MAP3K13: variants seen among roughly 807,000 people sequenced by gnomAD.
MAP3K13 encodes the protein mitogen-activated protein kinase kinase kinase 13.
A neutral mutation model predicts 104.0 loss-of-function variants in MAP3K13; 52 were observed. That is an observed-to-expected ratio of 0.50 (90% CI 0.40 to 0.63). The LOEUF (loss-of-function observed/expected upper bound fraction) is 0.63. MAP3K13 is among the 20% of genes least tolerant of loss of function. The pLI is 0.00. For missense variants in MAP3K13, 914 were observed against 1,218.5 expected, an observed-to-expected ratio of 0.75 and a Z score of 3.72; for synonymous variants, 394 against 442.2, an observed-to-expected ratio of 0.89 and a Z score of 1.37.
At chr3:185,291,690 A>G (rs1235918384) in intron 2 of MAP3K13, 1 of 1,529,240 alleles carries the variant, frequency 6.5e-7, no homozygotes, top group Admixed American at 2.0e-5. Flanking sequence ...AACCTCATCA[A>G]GACTTAGATC....
intron 2 of MAP3K13, chr3:185,329,120 TA>T (rs1215649593): frequency 6.7e-6 from 4 of 594,814 alleles, no homozygotes; most frequent in Admixed American, 5.2e-5. Context: ...GCAGTAGTTT[TA>T]TTTTTTTTTA....
intron 1 of MAP3K13, 150 bp from the exon 2 acceptor site, chr3:185,428,347 T>A: frequency 2.4e-6 from 1 of 414,020 alleles, no homozygotes; most frequent in Non-Finnish European, 4.3e-6. Context: ...CACAGCATAA[T>A]TTTTCATTGC....
chr3:185,428,267 A>T (rs569701291), intron 1 of MAP3K13, among the ~76,000 whole-genome samples: 2 of 152,048 alleles, frequency 1.3e-5, no homozygotes, highest in Non-Finnish European at 2.9e-5. Context: ...TTAATGTTGT[A>T]TATATTGTTC....
chr3:185,465,712 G>C (rs1717370404), intron 8 of MAP3K13, 35 bp from the exon 9 acceptor site: 1 of 1,459,134 alleles, frequency 6.9e-7, no homozygotes, highest in East Asian at 2.3e-5. Context: ...TCCCGAAGTT[G>C]GTTGGCTGGG....
intron 7 of MAP3K13, among the ~76,000 whole-genome samples, chr3:185,455,116 GAT>G (rs1348585667): frequency 8.9e-6 from 1 of 112,502 alleles, no homozygotes; most frequent in Non-Finnish European, 1.7e-5. Flanking sequence ...AGATATATGA[GAT>G]ATATGTGAGA....
intron 2 of MAP3K13, among the ~76,000 whole-genome samples, chr3:185,338,866 G>T (rs1280348454): frequency 2.6e-5 from 4 of 151,988 alleles, no homozygotes. Context: ...AATTTACAAA[G>T]AATGAGATTC....
At chr3:185,413,472 T>C (rs1204324747) in intron 1 of MAP3K13, among the ~76,000 whole-genome samples, 1 of 152,208 alleles carries the variant, frequency 6.6e-6, no homozygotes, top group Non-Finnish European at 1.5e-5. Context: ...GTTAAATGAC[T>C]ACGTATAACT....
At chr3:185,351,941 A>G (rs1240996899) in intron 2 of MAP3K13, among the ~76,000 whole-genome samples, 2 of 152,200 alleles carry the variant, frequency 1.3e-5, no homozygotes, top group Admixed American at 6.5e-5. Flanking sequence ...GGGTGTTGTC[A>G]TCATCTGCAT....
intron 7 of MAP3K13, among the ~76,000 whole-genome samples, chr3:185,455,320 A>AGATATACAT (rs1716456079): frequency 1.3e-5 from 1 of 77,350 alleles, no homozygotes; most frequent in African/African-American, 4.0e-5. Flanking sequence ...GATATATATG[A>AGATATACAT]GATATATATG....
At chr3:185,384,495 C>T (rs538837288) in intron 1 of MAP3K13, among the ~76,000 whole-genome samples, 4 of 152,290 alleles carry the variant, frequency 2.6e-5, no homozygotes, top group Admixed American at 6.5e-5. Context: ...AGTGAGATTG[C>T]TGGATCATAT....
At chr3:185,454,856 CATGATATATATATGAGATATATAT>C (rs1219738837) in intron 7 of MAP3K13, among the ~76,000 whole-genome samples, 453 of 18,484 alleles carry the variant, frequency 0.025, 6 homozygotes, top group South Asian at 0.031. Context: ...GAGATATATA[CATGATATATATATGAGATATATAT>C]ATGATATATA....
rs1713352135 is a variant in MAP3K13 at position 185,410,174 on chromosome 3, C to T, written c.-85-18323C>T. ...AGCCTGGTTCTTAACAAGCCACAAACCAGTACCAGTCTGCGGTCTGGGAGC... is the reference window on the plus strand; with the variant it reads ...AGCCTGGTTCTTAACAAGCCACAAATCAGTACCAGTCTGCGGTCTGGGAGC... On this transcript the variant is annotated intron_variant, in intron 1 of 13. Transcript: ENST00000265026. Among the ~76,000 whole-genome samples the T allele has an allele frequency of 2.6e-5, 4 of 152,318 alleles. No homozygotes were observed. In the South Asian group the frequency reaches 8.3e-4, roughly 32 times the overall value.
intron 2 of MAP3K13, among the ~76,000 whole-genome samples, chr3:185,287,109 C>A (rs564388935): frequency 6.6e-6 from 1 of 152,118 alleles, no homozygotes; most frequent in South Asian, 2.1e-4. Flanking sequence ...CTATTAAGAT[C>A]TTAAGAATAC....
rs138198331 is a variant in MAP3K13 at position 185,315,512 on chromosome 3, G to T, written c.-86+29869G>T. ...GGTCCAGCGACCATTAATTGAGAACGACTGCATTAGAAAAATCATGGGAAA... is the reference window on the plus strand; with the variant it reads ...GGTCCAGCGACCATTAATTGAGAACTACTGCATTAGAAAAATCATGGGAAA... On this transcript the variant is annotated intron_variant, in intron 2 of 14. Coordinates refer to the MAP3K13 transcript ENST00000424227. This position sits in a 1 kb window ranked among gnomAD's most constrained non-coding sequence, Gnocchi z 4.3. 3.3e-5 allele frequency among the ~76,000 whole-genome samples: 5 copies of T among 152,074 alleles called. No homozygotes were observed. The highest frequency in any genetic ancestry group is 4.8e-5 in the African/African-American group (2 of 41,400).
chr3:185,331,993 TG>T (rs1722302203), intron 2 of MAP3K13, among the ~76,000 whole-genome samples: 1 of 152,236 alleles, frequency 6.6e-6, no homozygotes, highest in Admixed American at 6.5e-5. Context: ...ACTAATCCAT[TG>T]TACGGATGTA....
intron 2 of MAP3K13, among the ~76,000 whole-genome samples, chr3:185,337,185 G>A (rs1214771274): frequency 6.6e-6 from 1 of 152,208 alleles, no homozygotes; most frequent in Non-Finnish European, 1.5e-5. Flanking sequence ...GATTACAGGT[G>A]TAAGCCATCG....
intron 2 of MAP3K13, among the ~76,000 whole-genome samples, chr3:185,285,949 C>A (rs2108666540): frequency 6.6e-6 from 1 of 152,122 alleles, no homozygotes; most frequent in East Asian, 1.9e-4. Context: ...ATAATTTAAT[C>A]TGTGGATCCC....
chr3:185,284,475 C>T (rs1225019685), intron 1 of MAP3K13, among the ~76,000 whole-genome samples: 1 of 151,960 alleles, frequency 6.6e-6, no homozygotes, highest in Non-Finnish European at 1.5e-5. Context: ...CAGCACTTTG[C>T]GAGGCCAAGG....
chr3:185,353,480 TG>T (rs1180895934), intron 2 of MAP3K13, among the ~76,000 whole-genome samples: 4 of 152,258 alleles, frequency 2.6e-5, no homozygotes, highest in Admixed American at 6.5e-5. Flanking sequence ...GGCATAGGTG[TG>T]GGCTACGGTC....
Sources: gnomAD v4.1 joint callset for allele counts (sites outside exome capture counted in the v4.1 genomes callset) on GRCh38, gnomAD v4.1.1 for gene constraint, Gnocchi (gnomAD v3.1) non-coding constraint, MANE v1.5 for transcripts, NCBI Gene and HGNC (gene_info 2026-07-23, HGNC 2026-07-21) for gene names.